Variants in JADE1 observed in about 807,000 individuals in gnomAD.
JADE1 encodes protein Jade-1.
Under a neutral mutation model 81.8 loss-of-function variants are expected in JADE1, and 14 were observed. The observed-to-expected ratio is 0.17, with a 90% CI of 0.11 to 0.27. The LOEUF is 0.27. JADE1 is among the 10% of genes least tolerant of loss of function. The pLI, the probability that JADE1 is intolerant of heterozygous loss-of-function variation, is 1.00. For synonymous variants in JADE1, 353 were observed against 391.9 expected (o/e 0.90, Z 1.17); for missense variants, 690 against 1,047.9 (o/e 0.66, Z 4.71).
chr4:128,855,895 C>T (rs1730754290), intron 7 of JADE1, 98 bp downstream of exon 7: 4 of 1,086,152 alleles, frequency 3.7e-6, no homozygotes, highest in South Asian at 3.6e-5. Context: ...TCATGGCTCA[C>T]TGCAGCCTTG....
intron 1 of JADE1, among the ~76,000 whole-genome samples, chr4:128,813,638 G>A (rs1437797028): frequency 6.6e-6 from 1 of 151,870 alleles, no homozygotes; most frequent in African/African-American, 2.4e-5. Flanking sequence ...AGCCAGGCTG[G>A]TCTCGAACTC....
intron 1 of JADE1, among the ~76,000 whole-genome samples, chr4:128,828,325 C>T (rs930062474): frequency 1.3e-5 from 2 of 152,160 alleles, no homozygotes; most frequent in Admixed American, 6.5e-5. Context: ...CAGATGCTGG[C>T]TTTTAGTGGG....
At chr4:128,812,211 G>C (rs1337242399) in intron 1 of JADE1, among the ~76,000 whole-genome samples, 1 of 152,076 alleles carries the variant, frequency 6.6e-6, no homozygotes, top group Non-Finnish European at 1.5e-5. Flanking sequence ...GCCACGAGAA[G>C]GTGTCATCAC....
intron 4 of JADE1, among the ~76,000 whole-genome samples, chr4:128,847,795 C>T (rs1450138445): frequency 6.6e-6 from 1 of 152,138 alleles, no homozygotes; most frequent in Non-Finnish European, 1.5e-5. Context: ...GTCAGTGTCA[C>T]GTAGATAAAA....
intron 1 of JADE1, among the ~76,000 whole-genome samples, chr4:128,826,751 A>G (rs1241438449): frequency 2.0e-5 from 3 of 152,116 alleles, no homozygotes; most frequent in Admixed American, 2.0e-4. Context: ...TTCTCCAGAA[A>G]TTACTGTAAT....
At chr4:128,852,683 C>G (rs1443463464) in intron 6 of JADE1, among the ~76,000 whole-genome samples, 2 of 152,224 alleles carry the variant, frequency 1.3e-5, no homozygotes, top group Non-Finnish European at 2.9e-5. Context: ...AGACAAATTA[C>G]TACAGACTGT....
chr4:128,818,055 C>T (rs1169825600), intron 1 of JADE1, among the ~76,000 whole-genome samples: 1 of 152,084 alleles, frequency 6.6e-6, no homozygotes, highest in East Asian at 1.9e-4. Context: ...ACTGGTTTTA[C>T]TGTGGCCTTT....
intron 1 of JADE1, among the ~76,000 whole-genome samples, chr4:128,825,074 A>G (rs773115376): frequency 6.6e-6 from 1 of 151,974 alleles, no homozygotes; most frequent in Admixed American, 6.6e-5. Flanking sequence ...GAGTCTTGCT[A>G]TATTGCCCGG....
chr4:128,814,872 T>G (rs567177593), intron 1 of JADE1, among the ~76,000 whole-genome samples: 41 of 148,258 alleles, frequency 2.8e-4, no homozygotes, highest in African/African-American at 9.6e-4. Context: ...TCTGAGGACC[T>G]TTTTTTTTTC....
At chr4:128,848,747 G>C (rs570220718) in intron 4 of JADE1, among the ~76,000 whole-genome samples, 1 of 152,198 alleles carries the variant, frequency 6.6e-6, no homozygotes, top group Admixed American at 6.5e-5. Context: ...GCAGGGTCCC[G>C]GGAAGCAGAT....
intron 3 of JADE1, among the ~76,000 whole-genome samples, chr4:128,843,692 CATTTT>C (rs1422468448): frequency 6.6e-6 from 1 of 152,164 alleles, no homozygotes; most frequent in Non-Finnish European, 1.5e-5. Flanking sequence ...CGAAGAAAAA[CATTTT>C]ATTTTATCAC....
intron 10 of JADE1, among the ~76,000 whole-genome samples, chr4:128,868,855 TAGTC>T (rs58150171): frequency 0.012 from 1,779 of 152,296 alleles, 27 homozygotes; most frequent in African/African-American, 0.036. Context: ...CATTGGAAGA[TAGTC>T]AGCCTCTCTC....
rs1281020527 is a variant in JADE1, at chr4:128,873,281, G to GAAAAAAAA, written c.*1022_*1029dup. The GAAAAAAAA allele has an allele frequency of 9.5e-6, 1 of 105,634 alleles. No individual in the cohort carries two copies. The highest frequency in any genetic ancestry group is 2.0e-5 in the Non-Finnish European group (1 of 49,146). The allele number at this position is 105,634 out of a possible 1,614,324, so 6.5% of individuals were successfully genotyped here. On this transcript the variant is annotated 3_prime_UTR_variant, in exon 11 of 11. Coordinates refer to ENST00000226319, the MANE Select transcript of JADE1 (RefSeq NM_199320.4). ...GAAAAAAAAAAAAAAAAGAAAAAAA[G>GAAAAAAAA]AAAAAAAAAAGAAAAAAGAAAAAAA...
chr4:128,870,731 A>G (rs1407672775), intron 10 of JADE1, among the ~76,000 whole-genome samples: 1 of 152,254 alleles, frequency 6.6e-6, no homozygotes, highest in African/African-American at 2.4e-5. Flanking sequence ...CTTCAAGTTG[A>G]ATGACAATTC....
At chr4:128,867,308 T>C (rs1436990803) in intron 9 of JADE1, among the ~76,000 whole-genome samples, 1 of 152,220 alleles carries the variant, frequency 6.6e-6, no homozygotes, top group Non-Finnish European at 1.5e-5. Context: ...TTTACTAGGA[T>C]TCTTGGTAAC....
chr4:128,827,785 C>A (rs1728201464), intron 1 of JADE1: 2 of 702,150 alleles, frequency 2.8e-6, no homozygotes, highest in Non-Finnish European at 3.5e-6. Flanking sequence ...ACCCACAGGG[C>A]ATATGGGGAC....
At chr4:128,855,482 G>A (rs1038283278) in intron 6 of JADE1, 148 bp from the exon 7 acceptor site, 3 of 786,212 alleles carry the variant, frequency 3.8e-6, no homozygotes, top group East Asian at 2.8e-5. Context: ...GAGGGGAGAC[G>A]GTCGTAGCCA....
intron 1 of JADE1, among the ~76,000 whole-genome samples, chr4:128,819,240 G>T (rs988086984): frequency 6.7e-6 from 1 of 149,942 alleles, no homozygotes; most frequent in Admixed American, 6.8e-5. Flanking sequence ...GGTTGTTTTT[G>T]TTTCGCTCTT....
At chr4:128,868,892 G>A (rs1303470432) in intron 10 of JADE1, among the ~76,000 whole-genome samples, 4 of 152,166 alleles carry the variant, frequency 2.6e-5, no homozygotes, top group Admixed American at 2.6e-4. Flanking sequence ...GCCCTTTAAA[G>A]TTCTAGCTGC....
Sources: gnomAD v4.1 joint callset for allele counts (sites outside exome capture counted in the v4.1 genomes callset) on GRCh38, gnomAD v4.1.1 for gene constraint, MANE v1.5 for transcripts, NCBI Gene and HGNC (gene_info 2026-07-23, HGNC 2026-07-21) for gene names.